Variants in FBXO7 observed in about 807,000 individuals in gnomAD.
The protein encoded by FBXO7 is F-box only protein 7.
FBXO7 carries 31 observed loss-of-function variants against 50.2 expected under a neutral mutation model. The ratio of observed to expected loss-of-function variants is 0.62; its 90% CI spans 0.46 to 0.83. The LOEUF (loss-of-function observed/expected upper bound fraction) is 0.83. Among genes scored for constraint, FBXO7 ranks in the 40% least tolerant of loss-of-function variants. The probability of loss-of-function intolerance (pLI) is 0.00; values close to 1 mark genes in which losing one functional copy is unlikely to be tolerated. For missense variants in FBXO7, 667 were observed against 646.6 expected (o/e 1.03, Z -0.34); for synonymous variants, 256 against 253.1 (o/e 1.01, Z -0.11).
intron 5 of FBXO7, chr22:32,489,270 G>A (rs1007666786): frequency 6.6e-6 from 1 of 152,136 alleles, no homozygotes; most frequent in African/African-American, 2.4e-5. Flanking sequence ...CCCTTTGAAG[G>A]ATCACAAACC....
intron 7 of FBXO7, 36 bp from the exon 8 acceptor site, chr22:32,495,457 G>A (rs1282335365): frequency 6.1e-6 from 9 of 1,473,566 alleles, no homozygotes; most frequent in African/African-American, 1.4e-5. Context: ...CGAATGAAAT[G>A]TTTTTAAATC....
intron 7 of FBXO7, among the ~76,000 whole-genome samples, chr22:32,495,049 C>G (rs993668439): frequency 6.6e-6 from 1 of 152,324 alleles, no homozygotes; most frequent in Admixed American, 6.5e-5. Flanking sequence ...GGATGAAAGC[C>G]TAAGTCAGCT....
intron 2 of FBXO7, among the ~76,000 whole-genome samples, chr22:32,479,569 G>C (rs1161995522): frequency 6.6e-6 from 1 of 151,772 alleles, no homozygotes; most frequent in African/African-American, 2.4e-5. Context: ...GCTAATTTTT[G>C]TATTTTTAGT....
intron 7 of FBXO7, among the ~76,000 whole-genome samples, chr22:32,494,371 G>A (rs1187798686): frequency 6.6e-6 from 1 of 151,924 alleles, no homozygotes. Context: ...TTGAGACAGG[G>A]TCTAGTTGTG....
Position 32,479,344 on chromosome 22 carries a change from C to A in FBXO7, c.417+69C>A, listed in dbSNP as rs910350115. 5.2e-5 allele frequency: 73 copies of A among 1,400,986 alleles called. 1 individual carries two copies. In the South Asian group the frequency reaches 7.4e-4, roughly 14 times the overall value. 86.8% of individuals were successfully genotyped at this position (1,400,986 alleles called of 1,614,324 possible). A position where few individuals can be genotyped will look rare whatever the true frequency, so the allele number is the denominator to read the frequency against. Reference sequence around the variant, plus strand: ...TCATATTGAACACCTCAGTTGAATTCTGTTCCAGTCAGGATAATTATCATC... The same window carrying A: ...TCATATTGAACACCTCAGTTGAATTATGTTCCAGTCAGGATAATTATCATC... On this transcript the variant is annotated intron_variant, in intron 2 of 8. Coordinates refer to ENST00000266087, the MANE Select transcript of FBXO7 (RefSeq NM_012179.4).
chr22:32,475,203 T>C, intron 1 of FBXO7, 79 bp downstream of exon 1: 1 of 1,512,572 alleles, frequency 6.6e-7, no homozygotes, highest in African/African-American at 1.4e-5. Context: ...TGGCGTCATC[T>C]GTGGGCTGCA....
Position 32,485,200 on chromosome 22 carries a change from G to C in FBXO7, c.778G>C (p.Val260Leu). The C allele has an allele frequency of 6.2e-7, 1 of 1,614,146 alleles. No individual in the cohort carries two copies. The highest frequency in any genetic ancestry group is 8.5e-7 in the Non-Finnish European group (1 of 1,180,002). ...LTCVPLGNLIVVNATLKINNE... is the reference protein window; with the variant it reads ...LTCVPLGNLILVNATLKINNE... ...CTGTGTGCCTTTGGGAAACCTGATTGTTGTAAATGGTAATTGGATAGCATA... is the reference window on the plus strand; with the variant it reads ...CTGTGTGCCTTTGGGAAACCTGATTCTTGTAAATGGTAATTGGATAGCATA... The change falls in exon 4 of 9, where the codon GTT becomes CTT. Residue 260 changes from valine (V) to leucine (L), a missense_variant. By Grantham distance (32) the Val-to-Leu change is conservative. Coordinates refer to ENST00000266087, the MANE Select transcript of FBXO7 (RefSeq NM_012179.4).
At chr22:32,494,128 G>C (rs958451173) in intron 7 of FBXO7, among the ~76,000 whole-genome samples, 31 of 93,036 alleles carry the variant, frequency 3.3e-4, no homozygotes, top group African/African-American at 1.3e-3. Context: ...AAAAAAAAAA[G>C]AATATCATGT....
rs1172264816 is a variant in FBXO7, at chr22:32,484,002, G to A, written c.523G>A (p.Val175Met). The change falls in exon 3 of 9, where the codon GTG becomes ATG. Residue 175 changes from valine (V) to methionine (M), a missense_variant. Val to Met is a conservative substitution (Grantham distance 21, BLOSUM62 1). Transcript: ENST00000266087. ...PSEPMLCSES[V>M]EGQVPHSLET... is the part of the protein sequence containing the mutation. The stretch of plus-strand genomic sequence containing the variant: ...AGAACCCATGCTCTGTAGTGAATCG[G>A]TGGAAGGGCAAGTGCCACATTCATT... The A allele has an allele frequency of 1.2e-6, 2 of 1,614,074 alleles. No homozygotes were observed. The highest frequency in any genetic ancestry group is 8.5e-7 in the Non-Finnish European group (1 of 1,180,022).
chr22:32,495,429 C>A, intron 7 of FBXO7, 64 bp from the exon 8 acceptor site: 1 of 1,108,282 alleles, frequency 9.0e-7, no homozygotes, highest in Non-Finnish European at 1.4e-6. Flanking sequence ...AAAACAAAAC[C>A]CACTGTTTAA....
chr22:32,475,011 G>C lies in FBXO7; in HGVS notation c.9G>C (p.Leu3=). 6.5e-7 allele frequency: 1 copy of C among 1,538,300 alleles called. No homozygotes were observed. Among genetic ancestry groups the C allele is most frequent in the Non-Finnish European group, 8.7e-7 (1 of 1,144,964 alleles). The change falls in exon 1 of 9, where the codon CTG becomes CTC. Residue 3 remains leucine, a synonymous_variant. Transcript: ENST00000266087. The stretch of plus-strand genomic sequence containing the variant: ...GGCCGCCTGCCGCCGTCATGAGGCT[G>C]CGGGTGCGGCTTCTGAAGCGGACCT... MR[L]RVRLLKRTWP... is the part of the protein sequence containing the mutation.
intron 5 of FBXO7, 181 bp from the exon 6 acceptor site, chr22:32,490,905 T>G: frequency 3.5e-6 from 2 of 568,602 alleles, no homozygotes; most frequent in South Asian, 4.1e-5. Context: ...AGCTTTTATA[T>G]CTAAGATTCA....
At chr22:32,482,525 T>C (rs1028592662) in intron 2 of FBXO7, among the ~76,000 whole-genome samples, 16 of 152,208 alleles carry the variant, frequency 1.1e-4, no homozygotes, top group Admixed American at 7.9e-4. Context: ...TTTGAAGCCA[T>C]GTATTACATC....
chr22:32,487,545 T>C (rs1182755397), intron 4 of FBXO7, 200 bp from the exon 5 acceptor site: 1 of 539,840 alleles, frequency 1.9e-6, no homozygotes, highest in African/African-American at 1.9e-5. Flanking sequence ...GGTGGTGTTG[T>C]AGAGTGATTT....
chr22:32,498,328 A>C lies in FBXO7; in HGVS notation c.1367A>C (p.Tyr456Ser), dbSNP rs543557203. Residue 456 changes from tyrosine to serine, a missense_variant, in exon 9 of 9, where the codon TAT becomes TCT. Tyr to Ser is a moderately radical substitution (Grantham distance 144, BLOSUM62 -2). Transcript: ENST00000266087. ...TATGACCAAAGACCAACACTTCCCTATGTTGGAGACCCAATCAGTTCACTC... is the reference window on the plus strand; with the variant it reads ...TATGACCAAAGACCAACACTTCCCTCTGTTGGAGACCCAATCAGTTCACTC... ...GEYDQRPTLP[Y>S]VGDPISSLIP... 2 of 1,613,960 alleles carry C rather than the reference A, an allele frequency of 1.2e-6. No homozygotes were observed. The highest frequency in any genetic ancestry group is 2.2e-5 in the East Asian group (1 of 44,870).
intron 1 of FBXO7, chr22:32,476,060 TCAAAA>T (rs959024585): frequency 1.5e-4 from 23 of 152,320 alleles, no homozygotes; most frequent in African/African-American, 1.2e-4. Flanking sequence ...GGTGAATTCT[TCAAAA>T]CAAAAGCAAA....
rs112660869 is a variant in FBXO7 at position 32,485,096 on chromosome 22, C to G, written c.674C>G (p.Pro225Arg). 2.7e-5 allele frequency: 43 copies of G among 1,614,130 alleles called. No homozygotes were observed. In the African/African-American group the frequency reaches 3.5e-4, roughly 13 times the overall value. The change falls in exon 4 of 9, where the codon CCG (proline) becomes CGG (arginine). Residue 225 changes from proline (P) to arginine (R), a missense_variant. By Grantham distance (103) the Pro-to-Arg change is moderately radical (BLOSUM62 -2). Coordinates refer to ENST00000266087, the MANE Select transcript of FBXO7 (RefSeq NM_012179.4). ...QGTEAKALSMPEKWKLSGVYK... is the reference protein window; with the variant it reads ...QGTEAKALSMREKWKLSGVYK... ...ACCGAAGCCAAAGCACTGTCCATGC[C>G]GGAGAAGTGGAAGTTGAGCGGGGTG...
intron 2 of FBXO7, among the ~76,000 whole-genome samples, chr22:32,481,794 T>C (rs145465443): frequency 3.3e-5 from 5 of 152,334 alleles, no homozygotes; most frequent in Admixed American, 6.5e-5. Flanking sequence ...GAACCTAATA[T>C]TAGCTCTCAT....
In FBXO7 at chr22:32,478,994, T is replaced by C. The variant is rs1298793677; in HGVS notation, c.136T>C (p.Phe46Leu). ...CTTTCTTGGCAGTTCTAATACCCGATTTACAATTACATTGAACTACAAGGA... is the reference window on the plus strand; with the variant it reads ...CTTTCTTGGCAGTTCTAATACCCGACTTACAATTACATTGAACTACAAGGA... Reference protein sequence around the residue: ...CTWGYSSNTRFTITLNYKDPL... With the variant: ...CTWGYSSNTRLTITLNYKDPL... Residue 46 changes from phenylalanine (F) to leucine (L), a missense_variant, in exon 2 of 9, where the codon TTT becomes CTT. By Grantham distance (22) the Phe-to-Leu change is conservative. Transcript: ENST00000266087. 6.2e-7 allele frequency: 1 copy of C among 1,614,224 alleles called. No homozygotes were observed. The highest frequency in any genetic ancestry group is 1.7e-5 in the Admixed American group (1 of 60,026).
Sources: allele counts gnomAD v4.1 joint callset (sites outside exome capture counted in the v4.1 genomes callset), GRCh38; gene constraint gnomAD v4.1.1; transcripts MANE v1.5; gene names NCBI Gene and HGNC (gene_info 2026-07-23, HGNC 2026-07-21).